Variants in TRDN observed in about 807,000 individuals in gnomAD.
TRDN encodes triadin in skeletal muscle.
TRDN carries 161 observed loss-of-function variants against 149.7 expected under a neutral mutation model. The observed-to-expected ratio is 1.08, with a 90% CI of 0.95 to 1.23. TRDN has a LOEUF of 1.23. TRDN is among the 50% of genes most tolerant of loss of function. TRDN has a pLI of 0.00. For synonymous variants in TRDN, 294 were observed against 250.5 expected (o/e 1.17, Z -1.64); for missense variants, 896 against 823.5 (o/e 1.09, Z -1.08).
intron 20 of TRDN, among the ~76,000 whole-genome samples, chr6:123,361,526 A>AG (rs975885033): frequency 2.6e-5 from 4 of 151,770 alleles, no homozygotes; most frequent in African/African-American, 7.3e-5. Context: ...AATAAAAAAA[A>AG]AGAGAGAGAG....
At chr6:123,446,184 A>G (rs1221506878) in intron 10 of TRDN, among the ~76,000 whole-genome samples, 9 of 150,526 alleles carry the variant, frequency 6.0e-5, no homozygotes, top group African/African-American at 9.9e-5. Context: ...GGAATTGAAC[A>G]ATGAGATCAC....
chr6:123,317,417 T>C (rs544974449), intron 23 of TRDN, among the ~76,000 whole-genome samples: 2 of 152,058 alleles, frequency 1.3e-5, no homozygotes, highest in South Asian at 4.1e-4. Context: ...AGTCTAGCAG[T>C]GTCTCATTTT....
At chr6:123,466,644 G>T (rs569279208) in intron 9 of TRDN, among the ~76,000 whole-genome samples, 8 of 151,888 alleles carry the variant, frequency 5.3e-5, no homozygotes, top group African/African-American at 1.7e-4. Flanking sequence ...TACTTGGAAA[G>T]ATCTATTCCC....
At chr6:123,291,755 C>A (rs1217717977) in intron 24 of TRDN, among the ~76,000 whole-genome samples, 3 of 152,078 alleles carry the variant, frequency 2.0e-5, no homozygotes. Context: ...ATATCAAAAT[C>A]AAATTTTCTA....
At chr6:123,225,056 A>G (rs1189517437) in intron 38 of TRDN, among the ~76,000 whole-genome samples, 1 of 151,110 alleles carries the variant, frequency 6.6e-6, no homozygotes, top group Non-Finnish European at 1.5e-5. Flanking sequence ...CTCAATAACA[A>G]AAAACAAATA....
At chr6:123,591,692 A>C (rs1783790692) in intron 1 of TRDN, among the ~76,000 whole-genome samples, 4 of 152,234 alleles carry the variant, frequency 2.6e-5, no homozygotes, top group Admixed American at 2.0e-4. Flanking sequence ...ATTTAGAGAG[A>C]TAAGGTTTCC....
intron 1 of TRDN, among the ~76,000 whole-genome samples, chr6:123,599,182 C>T (rs905296514): frequency 4.6e-5 from 7 of 152,084 alleles, no homozygotes; most frequent in Non-Finnish European, 8.8e-5. Flanking sequence ...TGGCTTTCTA[C>T]AATGTCTCTC....
chr6:123,550,617 T>G (rs962239420), intron 2 of TRDN, among the ~76,000 whole-genome samples: 3 of 152,050 alleles, frequency 2.0e-5, no homozygotes, highest in African/African-American at 7.2e-5. Context: ...GTTTTTACCA[T>G]TGTTCAAATA....
chr6:123,216,832 A>G lies in TRDN; in HGVS notation c.*1769T>C, dbSNP rs1774986592. ...ATACAGCACCTAACACAGCGCCCTA[A>G]AAGAGTAGGTATTCAATAAACAGTC... On this transcript the variant is annotated 3_prime_UTR_variant, in exon 41 of 41. Coordinates refer to ENST00000334268, the MANE Select transcript of TRDN (RefSeq NM_006073.4). 6.6e-6 allele frequency: 1 copy of G among 151,968 alleles called. No individual in the cohort carries two copies. The highest frequency in any genetic ancestry group is 1.5e-5 in the Non-Finnish European group (1 of 67,924). The allele number at this position is 151,968 out of a possible 1,614,324, so 9.4% of individuals were successfully genotyped here.
chr6:123,586,479 A>C (rs560580679), intron 1 of TRDN, among the ~76,000 whole-genome samples: 1 of 152,152 alleles, frequency 6.6e-6, no homozygotes, highest in South Asian at 2.1e-4. Flanking sequence ...CAGAGACTAT[A>C]GAGGGACTGA....
At chr6:123,408,387 A>C (rs572191450) in intron 12 of TRDN, among the ~76,000 whole-genome samples, 38 of 152,258 alleles carry the variant, frequency 2.5e-4, no homozygotes, top group African/African-American at 7.9e-4. Flanking sequence ...CTTGACAATA[A>C]TTGTTTTGGG....
At chr6:123,319,412 A>C (rs1010089962) in intron 23 of TRDN, among the ~76,000 whole-genome samples, 2 of 151,960 alleles carry the variant, frequency 1.3e-5, no homozygotes, top group African/African-American at 4.8e-5. Context: ...GAGCCATATG[A>C]GATTACAGTT....
At chr6:123,310,688 TAGG>T (rs1377163182) in intron 24 of TRDN, among the ~76,000 whole-genome samples, 1 of 151,844 alleles carries the variant, frequency 6.6e-6, no homozygotes, top group Non-Finnish European at 1.5e-5. Context: ...GTCACAACAA[TAGG>T]AGAAGAAGGT....
intron 19 of TRDN, among the ~76,000 whole-genome samples, chr6:123,370,184 T>C (rs1475807793): frequency 1.3e-5 from 2 of 152,168 alleles, no homozygotes; most frequent in African/African-American, 2.4e-5. Context: ...ACTTCTTACT[T>C]TTCCTACTAG....
At chr6:123,320,762 T>C (rs1255853272) in intron 23 of TRDN, among the ~76,000 whole-genome samples, 1 of 152,110 alleles carries the variant, frequency 6.6e-6, no homozygotes, top group Non-Finnish European at 1.5e-5. Context: ...TGTTGTATTA[T>C]CTACACAAAC....
chr6:123,546,923 T>A (rs918595185), intron 4 of TRDN, among the ~76,000 whole-genome samples: 1 of 151,836 alleles, frequency 6.6e-6, no homozygotes, highest in Non-Finnish European at 1.5e-5. Flanking sequence ...CCCATAGTCA[T>A]CACCTAACAT....
At chr6:123,394,647 A>G (rs1221595218) in intron 12 of TRDN, among the ~76,000 whole-genome samples, 1 of 152,080 alleles carries the variant, frequency 6.6e-6, no homozygotes, top group Non-Finnish European at 1.5e-5. Flanking sequence ...TTTAATGTTG[A>G]TTTGATTTCT....
At chr6:123,469,053 A>T (rs1156804399) in intron 9 of TRDN, 2 of 152,234 alleles carry the variant, frequency 1.3e-5, no homozygotes, top group Admixed American at 1.3e-4. Flanking sequence ...GGCATTTGTA[A>T]ATCTATGACT....
intron 14 of TRDN, among the ~76,000 whole-genome samples, chr6:123,385,267 A>C (rs1562288626): frequency 6.6e-6 from 1 of 151,980 alleles, no homozygotes; most frequent in Admixed American, 6.6e-5. Flanking sequence ...CTCTACTAAA[A>C]ATACAAAAAA....
Sources: gnomAD v4.1 joint callset for allele counts (sites outside exome capture counted in the v4.1 genomes callset) on GRCh38, gnomAD v4.1.1 for gene constraint, MANE v1.5 for transcripts, NCBI Gene and HGNC (gene_info 2026-07-23, HGNC 2026-07-21) for gene names.